PEBP4: variants seen among roughly 807,000 people sequenced by gnomAD.
The protein encoded by PEBP4 is phosphatidylethanolamine binding protein 4.
A neutral mutation model predicts 23.9 loss-of-function variants in PEBP4; 22 were observed. That is an observed-to-expected ratio of 0.92 (90% CI 0.66 to 1.31). The LOEUF (loss-of-function observed/expected upper bound fraction) is 1.31. PEBP4 is among the 40% of genes most tolerant of loss of function. The pLI, the probability that PEBP4 is intolerant of heterozygous loss-of-function variation, is 0.00. For synonymous variants in PEBP4, 112 were observed against 99.3 expected, an observed-to-expected ratio of 1.13 and a Z score of -0.76; for missense variants, 324 against 281.7, an observed-to-expected ratio of 1.15 and a Z score of -1.07.
At chr8:22,847,149 G>A (rs1045143378) in intron 3 of PEBP4, among the ~76,000 whole-genome samples, 9 of 152,118 alleles carry the variant, frequency 5.9e-5, no homozygotes, top group Admixed American at 1.3e-4. Context: ...TATGCAGAAG[G>A]TGGGCCCATC....
chr8:22,904,607 AC>A (rs957090624), intron 3 of PEBP4, among the ~76,000 whole-genome samples: 1 of 152,086 alleles, frequency 6.6e-6, no homozygotes, highest in Non-Finnish European at 1.5e-5. Flanking sequence ...AATAAAAATC[AC>A]CCTTAGTCTC....
chr8:22,773,414 C>T (rs1450660435), intron 4 of PEBP4, among the ~76,000 whole-genome samples: 1 of 152,096 alleles, frequency 6.6e-6, no homozygotes, highest in Non-Finnish European at 1.5e-5. Flanking sequence ...GACCCGTGAC[C>T]CCAGGGAAGA....
chr8:22,786,418 G>T (rs1387179777), intron 4 of PEBP4, among the ~76,000 whole-genome samples: 1 of 152,080 alleles, frequency 6.6e-6, no homozygotes, highest in Non-Finnish European at 1.5e-5. Flanking sequence ...GAATAGCTGG[G>T]ACTACAGTTG....
intron 4 of PEBP4, among the ~76,000 whole-genome samples, chr8:22,801,438 C>T (rs1259877083): frequency 6.6e-6 from 1 of 152,142 alleles, no homozygotes; most frequent in Non-Finnish European, 1.5e-5. Context: ...TCCCTGCTTC[C>T]TGGCTGCCAG....
chr8:22,823,012 T>C (rs186541864), intron 3 of PEBP4, among the ~76,000 whole-genome samples: 1 of 151,910 alleles, frequency 6.6e-6, no homozygotes, highest in Admixed American at 6.6e-5. Flanking sequence ...CAAGGCAATA[T>C]TGAAAAAGAT....
intron 2 of PEBP4, among the ~76,000 whole-genome samples, chr8:22,921,963 G>A (rs939506173): frequency 1.3e-5 from 2 of 152,220 alleles, no homozygotes; most frequent in Admixed American, 1.3e-4. Flanking sequence ...AACTGAGGGT[G>A]GAGGGACGCC....
chr8:22,750,389 C>T (rs142029575), intron 4 of PEBP4, among the ~76,000 whole-genome samples: 155 of 152,346 alleles, frequency 1.0e-3, no homozygotes, highest in African/African-American at 3.6e-3. Context: ...CGTGAGCCAC[C>T]GCGCCCAGCC....
chr8:22,742,116 G>C (rs1172189119), intron 4 of PEBP4, among the ~76,000 whole-genome samples: 1 of 152,180 alleles, frequency 6.6e-6, no homozygotes, highest in Non-Finnish European at 1.5e-5. Context: ...TGGGATTCTA[G>C]GACACCAGGC....
intron 4 of PEBP4, among the ~76,000 whole-genome samples, chr8:22,768,031 G>A (rs540332744): frequency 3.4e-4 from 52 of 152,226 alleles, no homozygotes; most frequent in African/African-American, 1.0e-3. Flanking sequence ...CACTGTGCCC[G>A]GCCTATAAAT....
At chr8:22,820,120 T>C (rs533448790) in intron 3 of PEBP4, among the ~76,000 whole-genome samples, 28 of 152,152 alleles carry the variant, frequency 1.8e-4, no homozygotes, top group African/African-American at 6.7e-4. Flanking sequence ...GAAGGTGAGA[T>C]AGTGAGGAAT....
At chr8:22,751,610 C>T (rs74398112) in intron 4 of PEBP4, among the ~76,000 whole-genome samples, 2 of 78,852 alleles carry the variant, frequency 2.5e-5, no homozygotes, top group Non-Finnish European at 6.3e-5. Flanking sequence ...GTGTGTGTGT[C>T]TGTGTGTGTG....
At chr8:22,799,326 C>T (rs930137837) in intron 4 of PEBP4, among the ~76,000 whole-genome samples, 1 of 152,228 alleles carries the variant, frequency 6.6e-6, no homozygotes, top group Non-Finnish European at 1.5e-5. Context: ...TAAACCAGTT[C>T]ATGAACTCTC....
At chr8:22,761,511 T>C (rs1805507520) in intron 4 of PEBP4, among the ~76,000 whole-genome samples, 1 of 152,232 alleles carries the variant, frequency 6.6e-6, no homozygotes, top group African/African-American at 2.4e-5. Context: ...CTCACTGCTC[T>C]GTTTATACAT....
chr8:22,778,566 G>A (rs1353457779), intron 4 of PEBP4, among the ~76,000 whole-genome samples: 3 of 152,104 alleles, frequency 2.0e-5, no homozygotes, highest in Non-Finnish European at 4.4e-5. Context: ...CACCCAAGAT[G>A]CTTTTCCTGC....
intron 3 of PEBP4, among the ~76,000 whole-genome samples, chr8:22,841,962 C>T (rs556523695): frequency 2.0e-5 from 3 of 152,282 alleles, no homozygotes; most frequent in South Asian, 2.1e-4. Flanking sequence ...ATATAAGAAA[C>T]GGGCAAGAGA....
At chr8:22,769,019 T>C (rs1025515839) in intron 4 of PEBP4, among the ~76,000 whole-genome samples, 1 of 152,140 alleles carries the variant, frequency 6.6e-6, no homozygotes, top group Non-Finnish European at 1.5e-5. Flanking sequence ...ATTTGGGAAG[T>C]GGGGGTCTGC....
chr8:22,724,751 G>T (rs1338839431), intron 6 of PEBP4, 92 bp downstream of exon 6: 7 of 956,816 alleles, frequency 7.3e-6, no homozygotes, highest in Middle Eastern at 2.8e-4. Context: ...ATGAGTGGGG[G>T]TCAAGGCCCC....
At chr8:22,720,437 G>T (rs1321117523) in intron 6 of PEBP4, among the ~76,000 whole-genome samples, 3 of 152,224 alleles carry the variant, frequency 2.0e-5, no homozygotes, top group African/African-American at 7.2e-5. Flanking sequence ...TGGGCAGGCA[G>T]ATGTGAGCAA....
chr8:22,713,617 C>T lies in PEBP4; in HGVS notation c.518-81G>A, dbSNP rs550915886. On this transcript the variant is annotated intron_variant, in intron 6 of 6. Transcript: ENST00000256404. ...GCTGGCAGGGGCCTGAGAGGGAGGC[C>T]GGCTCGTGGGAGCCGAGGCAGCAGG... is the stretch of plus-strand genomic sequence containing the variant. The T allele has an allele frequency of 1.6e-4, 250 of 1,592,424 alleles. 1 individual carries two copies. The highest frequency in any genetic ancestry group is 1.5e-3 in the African/African-American group (115 of 74,438).
Sources: allele counts gnomAD v4.1 joint callset (sites outside exome capture counted in the v4.1 genomes callset), GRCh38; gene constraint gnomAD v4.1.1; transcripts MANE v1.5; gene names NCBI Gene and HGNC (gene_info 2026-07-23, HGNC 2026-07-21).